Variants in CACNA2D3 observed in about 807,000 individuals in gnomAD.
The protein encoded by CACNA2D3 is calcium voltage-gated channel auxiliary subunit alpha2delta 3.
Under a neutral mutation model 160.6 loss-of-function variants are expected in CACNA2D3, and 60 were observed. The ratio of observed to expected loss-of-function variants is 0.37; its 90% CI spans 0.30 to 0.46. CACNA2D3 has a LOEUF of 0.46. Among genes scored for constraint, CACNA2D3 ranks in the 20% least tolerant of loss-of-function variants. The pLI is 1.00. For missense variants in CACNA2D3, 1,205 were observed against 1,365.0 expected (o/e 0.88, Z 1.85); for synonymous variants, 558 against 492.9 (o/e 1.13, Z -1.75).
chr3:54,320,659 A>T, intron 3 of CACNA2D3, 101 bp downstream of exon 3: 1 of 583,020 alleles, frequency 1.7e-6, no homozygotes, highest in Non-Finnish European at 3.0e-6. Flanking sequence ...AAGTTGACTC[A>T]CGCATCTATT....
chr3:54,313,274 A>G (rs960456369), intron 2 of CACNA2D3, among the ~76,000 whole-genome samples: 3 of 151,940 alleles, frequency 2.0e-5, no homozygotes, highest in Non-Finnish European at 4.4e-5. Context: ...AGAACCCTTG[A>G]TGTCTCTCCA....
chr3:54,936,727 G>A (rs899368887), intron 27 of CACNA2D3, among the ~76,000 whole-genome samples: 12 of 152,074 alleles, frequency 7.9e-5, no homozygotes, highest in African/African-American at 2.9e-4. Flanking sequence ...TCCCATCCTT[G>A]CATAATTAGA....
At chr3:54,392,427 G>GA (rs1225289966) in intron 4 of CACNA2D3, among the ~76,000 whole-genome samples, 1 of 152,298 alleles carries the variant, frequency 6.6e-6, no homozygotes, top group Non-Finnish European at 1.5e-5. Flanking sequence ...CACAGAGAGA[G>GA]AAAAAAATAT....
At chr3:54,964,893 T>C (rs1217545154) in intron 27 of CACNA2D3, among the ~76,000 whole-genome samples, 1 of 152,070 alleles carries the variant, frequency 6.6e-6, no homozygotes, top group Non-Finnish European at 1.5e-5. Flanking sequence ...TCAATCCCGT[T>C]ACTCTCGATC....
chr3:54,877,731 C>T (rs1575525907), intron 18 of CACNA2D3, among the ~76,000 whole-genome samples: 1 of 152,240 alleles, frequency 6.6e-6, no homozygotes, highest in Middle Eastern at 3.4e-3. Flanking sequence ...TTCTGTGCTA[C>T]TGGGAGTTGG....
intron 2 of CACNA2D3, among the ~76,000 whole-genome samples, chr3:54,281,411 A>G (rs1265063109): frequency 6.6e-6 from 1 of 152,162 alleles, no homozygotes; most frequent in East Asian, 1.9e-4. Context: ...GGAGCTAGGT[A>G]TAGAGGCCTG....
At position 54,896,929 on chromosome 3, in the gene CACNA2D3, TG is replaced by T. The variant is rs1310631095; in HGVS notation, c.2368+60del. 7.5e-6 allele frequency: 12 copies of T among 1,609,970 alleles called. No individual in the cohort carries two copies. The Admixed American group carries it at 2.0e-4, about 27-fold the overall frequency. ...TCTGGTCCAGTGGGTCTGGGCATTG[TG>T]TGCAGGGTGTTGGGGAGCTGCCTGA... On this transcript the variant is annotated intron_variant, in intron 26 of 37. Transcript: ENST00000474759.
chr3:54,970,057 A>G (rs997786791), intron 29 of CACNA2D3, among the ~76,000 whole-genome samples: 4 of 151,958 alleles, frequency 2.6e-5, no homozygotes, highest in Non-Finnish European at 4.4e-5. Flanking sequence ...AATGTGCTTT[A>G]AATGTCTCAT....
chr3:54,546,714 GCA>G (rs757778674), intron 5 of CACNA2D3, among the ~76,000 whole-genome samples: 29 of 31,184 alleles, frequency 9.3e-4, no homozygotes, highest in East Asian at 4.4e-3. Context: ...ACACACGCGC[GCA>G]CACACACACA....
At chr3:54,804,287 C>G (rs1400820708) in intron 13 of CACNA2D3, among the ~76,000 whole-genome samples, 1 of 151,910 alleles carries the variant, frequency 6.6e-6, no homozygotes, top group Non-Finnish European at 1.5e-5. Context: ...CAAGACCCAT[C>G]AGTGTGCTGT....
chr3:54,681,407 A>G (rs1700348104), intron 11 of CACNA2D3, among the ~76,000 whole-genome samples: 1 of 145,264 alleles, frequency 6.9e-6, no homozygotes, highest in Admixed American at 7.0e-5. Flanking sequence ...AAAAAAAAAA[A>G]AGGCCAGGCA....
intron 29 of CACNA2D3, among the ~76,000 whole-genome samples, chr3:54,971,447 A>AGT (rs1346585343): frequency 6.6e-6 from 1 of 152,126 alleles, no homozygotes; most frequent in Non-Finnish European, 1.5e-5. Context: ...CAGTAAGAGG[A>AGT]GTGAGGATGG....
intron 8 of CACNA2D3, among the ~76,000 whole-genome samples, chr3:54,571,659 G>GTGTGTGTGTGTGT (rs1702500357): frequency 7.1e-6 from 1 of 139,956 alleles, no homozygotes; most frequent in Non-Finnish European, 1.6e-5. Context: ...GTGTGTGTGT[G>GTGTGTGTGTGTGT]GTGGACACTT....
chr3:54,292,317 AAAAT>A (rs1450064773), intron 2 of CACNA2D3, among the ~76,000 whole-genome samples: 1 of 152,234 alleles, frequency 6.6e-6, no homozygotes, highest in Non-Finnish European at 1.5e-5. Flanking sequence ...AATGAAATAA[AAAAT>A]AAATACATTG....
At chr3:54,750,894 C>A (rs898262707) in intron 11 of CACNA2D3, among the ~76,000 whole-genome samples, 2 of 152,062 alleles carry the variant, frequency 1.3e-5, no homozygotes, top group Non-Finnish European at 2.9e-5. Flanking sequence ...CTCAGCCTCC[C>A]GAGTAGCTGG....
chr3:54,494,575 A>G (rs1701173746), intron 4 of CACNA2D3, among the ~76,000 whole-genome samples: 1 of 152,182 alleles, frequency 6.6e-6, no homozygotes, highest in Non-Finnish European at 1.5e-5. Context: ...CTATGAAACG[A>G]TGGAGTGAAG....
chr3:54,797,159 C>T (rs1213121468), intron 13 of CACNA2D3, among the ~76,000 whole-genome samples: 2 of 152,204 alleles, frequency 1.3e-5, no homozygotes, highest in African/African-American at 4.8e-5. Context: ...TACACTGGAA[C>T]AAGCTAAAGT....
At chr3:54,609,140 G>A (rs1048554934) in intron 9 of CACNA2D3, among the ~76,000 whole-genome samples, 4 of 152,152 alleles carry the variant, frequency 2.6e-5, no homozygotes, top group African/African-American at 9.7e-5. Context: ...GTGGCTGTGA[G>A]CCAATATGGT....
chr3:54,405,054 G>T lies in CACNA2D3; in HGVS notation c.381+18280G>T, dbSNP rs146064446. On this transcript the variant is annotated intron_variant, in intron 4 of 37. Coordinates refer to ENST00000474759, the MANE Select transcript of CACNA2D3 (RefSeq NM_018398.3). The stretch of plus-strand genomic sequence containing the variant: ...GATATTTCATGCTCATGAATTGGAA[G>T]AATTAATATTGTTAAAATGTCTATA... Among the ~76,000 whole-genome samples, 334 of 151,802 alleles carry T rather than the reference G, an allele frequency of 2.2e-3. 3 individuals are homozygous for T. The Middle Eastern group carries it at 0.034, about 15-fold the overall frequency.
Sources: allele counts gnomAD v4.1 joint callset (sites outside exome capture counted in the v4.1 genomes callset), GRCh38; gene constraint gnomAD v4.1.1; transcripts MANE v1.5; gene names NCBI Gene and HGNC (gene_info 2026-07-23, HGNC 2026-07-21).